PTPRG: variants seen among roughly 807,000 people sequenced by gnomAD.
PTPRG encodes the protein receptor-type tyrosine-protein phosphatase gamma.
In PTPRG, 102 loss-of-function variants were observed where a neutral mutation model predicts 165.3. The observed-to-expected ratio is 0.62, with a 90% confidence interval of 0.53 to 0.73. PTPRG has a LOEUF of 0.73. Ranked by LOEUF, PTPRG falls within the 30% of genes least tolerant of loss-of-function variation. The pLI is 0.00. For missense variants in PTPRG, 1,866 were observed against 1,861.4 expected (o/e 1.00, Z -0.05); for synonymous variants, 675 against 669.5 (o/e 1.01, Z -0.13).
At chr3:61,892,584 A>G (rs562862797) in intron 2 of PTPRG, among the ~76,000 whole-genome samples, 1 of 152,182 alleles carries the variant, frequency 6.6e-6, no homozygotes, top group Admixed American at 6.5e-5. Context: ...TGGGAGGGAG[A>G]GGCGGGTGGA....
intron 2 of PTPRG, among the ~76,000 whole-genome samples, chr3:61,955,185 C>G (rs2040002646): frequency 6.6e-6 from 1 of 152,172 alleles, no homozygotes; most frequent in African/African-American, 2.4e-5. Flanking sequence ...TTATTCTGTT[C>G]TGCTTCAGTC....
At chr3:61,813,000 A>G (rs2035633134) in intron 2 of PTPRG, among the ~76,000 whole-genome samples, 1 of 152,190 alleles carries the variant, frequency 6.6e-6, no homozygotes, top group Non-Finnish European at 1.5e-5. Context: ...TTACATGCAA[A>G]GAATACTTGT....
chr3:61,909,682 G>GGGTTTTA, intron 2 of PTPRG, among the ~76,000 whole-genome samples: 1 of 149,772 alleles, frequency 6.7e-6, no homozygotes, highest in African/African-American at 2.5e-5. Flanking sequence ...CATGGCATCT[G>GGGTTTTA]ACCTCAACTG....
Position 61,745,051 on chromosome 3 carries a change from C to CTTTTTTTTTTT in PTPRG, c.86-3819_86-3809dup, listed in dbSNP as rs10669472. ...TTTCATGTGTTCATTCATTCCCTCACTTTTTTTTTTTTTTTTTTGAGACGG... is the reference window on the plus strand; with the variant it reads ...TTTCATGTGTTCATTCATTCCCTCACTTTTTTTTTTTTTTTTTTTTTTTTTTTTTGAGACGG... On this transcript the variant is annotated intron_variant, in intron 1 of 29. Coordinates refer to ENST00000474889, the MANE Select transcript of PTPRG (RefSeq NM_002841.4). Among the ~76,000 whole-genome samples, 65 of 111,600 alleles carry CTTTTTTTTTTT rather than the reference C, an allele frequency of 5.8e-4. 5 individuals are homozygous for CTTTTTTTTTTT. Among genetic ancestry groups the CTTTTTTTTTTT allele is most frequent in the African/African-American group, 1.0e-3 (30 of 29,422 alleles). 73.2% of individuals were successfully genotyped at this position (111,600 alleles called of 152,430 possible). A position where few individuals can be genotyped will look rare whatever the true frequency, so the allele number is the denominator to read the frequency against.
chr3:61,811,297 C>T (rs993600721), intron 2 of PTPRG, among the ~76,000 whole-genome samples: 6 of 152,194 alleles, frequency 3.9e-5, no homozygotes, highest in African/African-American at 1.4e-4. Context: ...GGTGGAACTT[C>T]CTGGCCCCAA....
chr3:62,031,212 A>G (rs1011055709), intron 4 of PTPRG, among the ~76,000 whole-genome samples: 3 of 152,234 alleles, frequency 2.0e-5, no homozygotes, highest in Admixed American at 2.0e-4. Context: ...CAATTGTAAT[A>G]CAACAGGTGA....
intron 2 of PTPRG, among the ~76,000 whole-genome samples, chr3:61,790,746 T>G (rs80187947): frequency 1.6e-3 from 173 of 105,098 alleles, no homozygotes; most frequent in African/African-American, 6.4e-3. Context: ...ACTTCTGTGA[T>G]TTTTTTTTTT....
At chr3:62,012,738 A>G (rs2107741119) in intron 4 of PTPRG, among the ~76,000 whole-genome samples, 1 of 152,286 alleles carries the variant, frequency 6.6e-6, no homozygotes, top group African/African-American at 2.4e-5. Context: ...TCAAGCATTG[A>G]AAAGATTTTG....
intron 2 of PTPRG, among the ~76,000 whole-genome samples, chr3:61,937,859 T>C (rs1476977056): frequency 6.6e-6 from 1 of 152,160 alleles, no homozygotes; most frequent in Non-Finnish European, 1.5e-5. Flanking sequence ...TTTCACCCTT[T>C]CTGATAGATC....
intron 2 of PTPRG, among the ~76,000 whole-genome samples, chr3:61,786,990 A>G (rs1317600937): frequency 6.6e-6 from 1 of 152,164 alleles, no homozygotes; most frequent in African/African-American, 2.4e-5. Flanking sequence ...GGTTTTTAAC[A>G]TATATCCTGA....
chr3:62,005,012 C>T (rs2041262677), intron 4 of PTPRG, among the ~76,000 whole-genome samples: 1 of 152,180 alleles, frequency 6.6e-6, no homozygotes, highest in South Asian at 2.1e-4. Context: ...TGAAGAATCT[C>T]TACACAATAT....
intron 11 of PTPRG, among the ~76,000 whole-genome samples, chr3:62,202,759 G>T (rs1700125192): frequency 6.6e-6 from 1 of 152,322 alleles, no homozygotes; most frequent in South Asian, 2.1e-4. Flanking sequence ...ATCTACTCAA[G>T]TGTCAGTGAT....
At chr3:61,850,458 A>G (rs1367757302) in intron 2 of PTPRG, among the ~76,000 whole-genome samples, 1 of 152,132 alleles carries the variant, frequency 6.6e-6, no homozygotes, top group East Asian at 1.9e-4. Flanking sequence ...GCTGTGCCCA[A>G]TCCTTGTTCT....
At chr3:61,771,724 T>C (rs1346504845) in intron 2 of PTPRG, among the ~76,000 whole-genome samples, 1 of 152,166 alleles carries the variant, frequency 6.6e-6, no homozygotes, top group Non-Finnish European at 1.5e-5. Context: ...TCATCCTTTT[T>C]CTTTCCTGAA....
intron 13 of PTPRG, among the ~76,000 whole-genome samples, chr3:62,220,554 T>A (rs1191402880): frequency 6.6e-6 from 1 of 151,880 alleles, no homozygotes; most frequent in Admixed American, 6.6e-5. Flanking sequence ...AGGAAGGAGG[T>A]CATCTCAGGT....
At chr3:62,093,315 C>A (rs115368564) in intron 5 of PTPRG, among the ~76,000 whole-genome samples, 2,091 of 152,274 alleles carry the variant, frequency 0.014, 40 homozygotes, top group African/African-American at 0.047. Flanking sequence ...TTCTCAACTC[C>A]TGAGGTTCAT....
chr3:61,771,905 C>T (rs1305970800), intron 2 of PTPRG, among the ~76,000 whole-genome samples: 1 of 151,506 alleles, frequency 6.6e-6, no homozygotes, highest in Non-Finnish European at 1.5e-5. Flanking sequence ...ACTAAAAATA[C>T]AAAAATTAAC....
At chr3:61,884,039 C>CTT (rs2037962972) in intron 2 of PTPRG, among the ~76,000 whole-genome samples, 1 of 152,128 alleles carries the variant, frequency 6.6e-6, no homozygotes, top group Admixed American at 6.6e-5. Context: ...TGCTTACAAG[C>CTT]TTTTGGTGGT....
chr3:61,580,525 C>T (rs1382637922), intron 1 of PTPRG, among the ~76,000 whole-genome samples: 2 of 151,874 alleles, frequency 1.3e-5, no homozygotes, highest in Non-Finnish European at 2.9e-5. Flanking sequence ...TTAGTAGAGA[C>T]GGCGTTTCAC....
Sources: gnomAD v4.1 joint callset for allele counts (sites outside exome capture counted in the v4.1 genomes callset) on GRCh38, gnomAD v4.1.1 for gene constraint, MANE v1.5 for transcripts, NCBI Gene and HGNC (gene_info 2026-07-23, HGNC 2026-07-21) for gene names.